DOCK3: variants seen among roughly 807,000 people sequenced by gnomAD.
The protein encoded by DOCK3 is dedicator of cytokinesis protein 3.
Under a neutral mutation model 265.6 loss-of-function variants are expected in DOCK3, and 60 were observed. That is an observed-to-expected ratio of 0.23 (90% CI 0.18 to 0.28). The LOEUF is 0.28. DOCK3 is among the 10% of genes least tolerant of loss of function. DOCK3 has a pLI of 1.00. For missense variants in DOCK3, 1,981 were observed against 2,594.3 expected (o/e 0.76, Z 5.14); for synonymous variants, 881 against 938.0 (o/e 0.94, Z 1.11).
chr3:51,198,579 C>A (rs1279237929), intron 12 of DOCK3, among the ~76,000 whole-genome samples: 961 of 130,742 alleles, frequency 7.4e-3, no homozygotes, highest in Non-Finnish European at 8.3e-3. Context: ...GACAGGTCAC[C>A]AAAAAAAAAA....
intron 5 of DOCK3, among the ~76,000 whole-genome samples, chr3:50,967,067 T>C (rs1037447568): frequency 1.3e-5 from 2 of 152,198 alleles, no homozygotes; most frequent in African/African-American, 4.8e-5. Flanking sequence ...TCTAGCTATT[T>C]TGAAATATAT....
intron 4 of DOCK3, among the ~76,000 whole-genome samples, chr3:50,896,695 G>A (rs1013890172): frequency 3.9e-5 from 6 of 152,100 alleles, no homozygotes; most frequent in African/African-American, 1.4e-4. Context: ...TCCAGTTTCA[G>A]TTTTCTGCAT....
At chr3:51,296,709 C>T (rs578040207) in intron 27 of DOCK3, among the ~76,000 whole-genome samples, 1 of 152,008 alleles carries the variant, frequency 6.6e-6, no homozygotes, top group African/African-American at 2.4e-5. Context: ...ATCTCCTGAC[C>T]TTGTGATCCG....
chr3:51,040,669 T>C (rs990386834), intron 5 of DOCK3, among the ~76,000 whole-genome samples: 2 of 152,218 alleles, frequency 1.3e-5, no homozygotes, highest in African/African-American at 2.4e-5. Flanking sequence ...CCCATAAACT[T>C]CTTTCTGAAT....
At chr3:51,248,530 T>C (rs1448729692) in intron 22 of DOCK3, among the ~76,000 whole-genome samples, 1 of 152,152 alleles carries the variant, frequency 6.6e-6, no homozygotes, top group African/African-American at 2.4e-5. Flanking sequence ...AGTGGCGTGA[T>C]CTCGGCTCGC....
At chr3:50,990,576 A>G (rs1272038509) in intron 5 of DOCK3, among the ~76,000 whole-genome samples, 1 of 152,200 alleles carries the variant, frequency 6.6e-6, no homozygotes, top group African/African-American at 2.4e-5. Flanking sequence ...CTCTAGAGGG[A>G]CAAAACTAAT....
chr3:51,338,227 GGAA>G, intron 35 of DOCK3, 129 bp from the exon 36 acceptor site: 2 of 923,278 alleles, frequency 2.2e-6, no homozygotes, highest in South Asian at 1.6e-5. Context: ...CCTTATCTAT[GGAA>G]GCAGTTCCTG....
In DOCK3 at chr3:51,381,507, CT is replaced by C; in HGVS notation, c.6042del (p.Lys2015ArgfsTer146). On this transcript the variant is annotated frameshift_variant, in exon 53 of 53. Transcript: ENST00000266037. LOFTEE classifies it high-confidence loss of function. This position sits in a 1 kb window ranked among gnomAD's most constrained non-coding sequence, Gnocchi z 5.6. Reference sequence around the variant, plus strand: ...AAGGCTCCATTGCCTCCTGGGAGCGCTAAGGAGGAGCAGGCCCGCATGGCCT... The same window carrying C: ...AAGGCTCCATTGCCTCCTGGGAGCGCAAGGAGGAGCAGGCCCGCATGGCCT... Reference protein sequence around the residue: ...HRKAPLPPGSAKEEQARMAWE... With the variant: ...HRKAPLPPGSXKEEQARMAWE... 6.3e-7 allele frequency: 1 copy of C among 1,580,980 alleles called. No homozygotes were observed.
chr3:51,375,918 G>A, intron 51 of DOCK3, 83 bp downstream of exon 51: 1 of 1,446,898 alleles, frequency 6.9e-7, no homozygotes, highest in Non-Finnish European at 9.7e-7. Context: ...CAGCTGGCCA[G>A]GGCTAAGCCA....
chr3:51,247,910 C>G (rs2108583857), intron 22 of DOCK3, among the ~76,000 whole-genome samples: 1 of 152,328 alleles, frequency 6.6e-6, no homozygotes, highest in East Asian at 1.9e-4. Flanking sequence ...AGGTGCCTAA[C>G]ACAATATTTG....
At chr3:51,266,058 T>G (rs1337690246) in intron 23 of DOCK3, among the ~76,000 whole-genome samples, 1 of 152,160 alleles carries the variant, frequency 6.6e-6, no homozygotes, top group Non-Finnish European at 1.5e-5. Flanking sequence ...AGCCAAATCA[T>G]GAGTGAACGC....
chr3:51,048,251 T>A (rs530133581), intron 5 of DOCK3, among the ~76,000 whole-genome samples: 1 of 152,286 alleles, frequency 6.6e-6, no homozygotes, highest in East Asian at 1.9e-4. Flanking sequence ...AAAGGCTCCA[T>A]GTATGACAGC....
At chr3:51,204,549 T>A (rs1384425529) in intron 12 of DOCK3, among the ~76,000 whole-genome samples, 4 of 147,062 alleles carry the variant, frequency 2.7e-5, no homozygotes, top group Non-Finnish European at 6.0e-5. Context: ...GAAATAGGAA[T>A]ACTTTTACAC....
intron 7 of DOCK3, among the ~76,000 whole-genome samples, chr3:51,078,484 A>C (rs930513537): frequency 1.4e-4 from 22 of 152,284 alleles, no homozygotes; most frequent in African/African-American, 5.3e-4. Flanking sequence ...AAAGGGCCCA[A>C]TGTAATTATG....
intron 19 of DOCK3, among the ~76,000 whole-genome samples, chr3:51,230,157 A>C (rs1383437680): frequency 6.6e-6 from 1 of 152,150 alleles, no homozygotes; most frequent in Non-Finnish European, 1.5e-5. Flanking sequence ...TAGTGGGTAC[A>C]TGTGCAGGTT....
At chr3:50,705,873 A>G (rs1456929573) in intron 1 of DOCK3, among the ~76,000 whole-genome samples, 1 of 152,150 alleles carries the variant, frequency 6.6e-6, no homozygotes, top group Non-Finnish European at 1.5e-5. Flanking sequence ...TCACTAAAAA[A>G]TACAAACATT....
Position 50,909,277 on chromosome 3 carries a change from G to T in DOCK3, c.218+19196G>T, listed in dbSNP as rs547734405. Among the ~76,000 whole-genome samples the T allele has an allele frequency of 3.9e-5, 6 of 152,128 alleles. No homozygotes were observed. In the South Asian group the frequency reaches 8.3e-4, roughly 21 times the overall value. ...CATCATGGTGTTAGCTGGTTATTTT[G>T]CAGGCTTGTTCATGTGGTTGTTCAT... On this transcript the variant is annotated intron_variant, in intron 4 of 52. Coordinates refer to ENST00000266037, the MANE Select transcript of DOCK3 (RefSeq NM_004947.5).
At chr3:50,677,150 G>C (rs56856095) in intron 1 of DOCK3, among the ~76,000 whole-genome samples, 11,201 of 152,240 alleles carry the variant, frequency 0.074, 1,097 homozygotes, top group East Asian at 0.33. Flanking sequence ...CTTAATGCTT[G>C]CTAAATGAGA....
At chr3:51,205,428 C>CCCATGCTAAGA (rs1451104415) in intron 12 of DOCK3, among the ~76,000 whole-genome samples, 6 of 151,722 alleles carry the variant, frequency 4.0e-5, no homozygotes, top group Non-Finnish European at 7.4e-5. Flanking sequence ...GGTGTGGTGG[C>CCCATGCTAAGA]TCATGACTGT....
Sources: allele counts gnomAD v4.1 joint callset (sites outside exome capture counted in the v4.1 genomes callset), GRCh38; gene constraint gnomAD v4.1.1; non-coding constraint Gnocchi (gnomAD v3.1); transcripts MANE v1.5; gene names NCBI Gene and HGNC (gene_info 2026-07-23, HGNC 2026-07-21).